Variants in PARP8 observed in about 807,000 individuals in gnomAD.
PARP8 encodes the protein protein mono-ADP-ribosyltransferase PARP8.
PARP8 carries 51 observed loss-of-function variants against 124.1 expected under a neutral mutation model. The observed-to-expected ratio is 0.41, with a 90% CI of 0.33 to 0.52. The LOEUF is 0.52. Among genes scored for constraint, PARP8 ranks in the 20% least tolerant of loss-of-function variants. PARP8 has a pLI of 0.21. For missense variants in PARP8, 860 were observed against 1,018.9 expected, an observed-to-expected ratio of 0.84 and a Z score of 2.12; for synonymous variants, 391 against 361.5, an observed-to-expected ratio of 1.08 and a Z score of -0.93.
rs565524891 is a variant in PARP8, at chr5:50,798,342, C to A, written c.1575+1109C>A. ...GACAGATACAGTCTCTATACATCTTCCCCACGTATTATTCTCTATTTATTA... is the reference window on the plus strand; with the variant it reads ...GACAGATACAGTCTCTATACATCTTACCCACGTATTATTCTCTATTTATTA... On this transcript the variant is annotated intron_variant, in intron 14 of 25. Coordinates refer to ENST00000281631, the MANE Select transcript of PARP8 (RefSeq NM_024615.4). Among the ~76,000 whole-genome samples, 22 of 152,104 alleles carry A rather than the reference C, an allele frequency of 1.4e-4. 1 individual carries two copies. The East Asian group carries it at 3.1e-3, about 21-fold the overall frequency.
At position 50,727,797 on chromosome 5, in the gene PARP8, C is replaced by CT. The variant is rs1170638771; in HGVS notation, c.147-22353dup. Among the ~76,000 whole-genome samples, 25 of 152,140 alleles carry CT rather than the reference C, an allele frequency of 1.6e-4. 1 individual carries two copies. Among genetic ancestry groups the CT allele is most frequent in the Admixed American group, 1.5e-3 (23 of 15,244 alleles). ...TCATCGCATCCTGCAGGAAACTTTC[C>CT]TGGTACCCTTTGTCAAGTTATGGGG... On this transcript the variant is annotated intron_variant, in intron 2 of 25. Coordinates refer to ENST00000281631, the MANE Select transcript of PARP8 (RefSeq NM_024615.4).
chr5:50,800,621 G>A (rs1284048184), intron 14 of PARP8, among the ~76,000 whole-genome samples: 1 of 152,002 alleles, frequency 6.6e-6, no homozygotes, highest in East Asian at 1.9e-4. Flanking sequence ...AATCATGAAA[G>A]CATTTTTGTT....
intron 2 of PARP8, among the ~76,000 whole-genome samples, chr5:50,745,837 A>G (rs1464616836): frequency 6.6e-6 from 1 of 152,186 alleles, no homozygotes; most frequent in African/African-American, 2.4e-5. Context: ...TCGACAGTAT[A>G]AAGGAATGGA....
At chr5:50,835,575 G>A (rs1747489729) in intron 25 of PARP8, among the ~76,000 whole-genome samples, 1 of 151,898 alleles carries the variant, frequency 6.6e-6, no homozygotes, top group Non-Finnish European at 1.5e-5. Context: ...CACCATCTCT[G>A]TCTCTCTAGC....
At chr5:50,702,277 G>A (rs1365136075) in intron 2 of PARP8, among the ~76,000 whole-genome samples, 1 of 151,958 alleles carries the variant, frequency 6.6e-6, no homozygotes, top group Non-Finnish European at 1.5e-5. Context: ...TCACATAATT[G>A]CAGTAATTTA....
rs778662751 is a variant in PARP8 at position 50,795,152 on chromosome 5, C to G, written c.1163C>G (p.Ser388Cys). The G allele has an allele frequency of 1.2e-6, 2 of 1,614,208 alleles. No individual in the cohort carries two copies. The highest frequency in any genetic ancestry group is 2.2e-5 in the South Asian group (2 of 91,082). ...AAGTCGCATAGACTATTGACTCGAT[C>G]TTGTTCTGGAGATCCACGATGTGAG... is the stretch of plus-strand genomic sequence containing the variant. ...TLKSHRLLTR[S>C]CSGDPRCEHN... Residue 388 changes from serine (S) to cysteine (C), a missense_variant, in exon 12 of 26, where the codon TCT (serine) becomes TGT (cysteine). This residue lies in a region of PARP8 where 517 missense variants were observed against 544.2 expected (regional missense o/e 0.95). Coordinates refer to ENST00000281631, the MANE Select transcript of PARP8 (RefSeq NM_024615.4).
intron 2 of PARP8, among the ~76,000 whole-genome samples, chr5:50,699,314 T>C (rs371426475): frequency 1.3e-5 from 2 of 152,240 alleles, no homozygotes; most frequent in East Asian, 3.8e-4. Flanking sequence ...GATTTCTCCC[T>C]TGCTACGTAA....
chr5:50,692,577 A>C (rs1279494026), intron 2 of PARP8, among the ~76,000 whole-genome samples: 1 of 151,958 alleles, frequency 6.6e-6, no homozygotes, highest in Non-Finnish European at 1.5e-5. Flanking sequence ...GTACTCAGTC[A>C]AGGCTTTTGA....
At chr5:50,837,401 A>G (rs559588999) in intron 25 of PARP8, among the ~76,000 whole-genome samples, 102 of 152,258 alleles carry the variant, frequency 6.7e-4, no homozygotes, top group African/African-American at 2.3e-3. Context: ...ATTAGTAGTG[A>G]GCCACCCTAA....
chr5:50,835,030 T>A lies in PARP8; in HGVS notation c.2462+15T>A. On this transcript the variant is annotated intron_variant, in intron 25 of 25. Coordinates refer to ENST00000281631, the MANE Select transcript of PARP8 (RefSeq NM_024615.4). Reference sequence around the variant, plus strand: ...TTCTTTTTCGTGTAAGTGGAAATGCTCAAATTTGTATATTACTGTCTTTGC... The same window carrying A: ...TTCTTTTTCGTGTAAGTGGAAATGCACAAATTTGTATATTACTGTCTTTGC... 1 of 1,606,440 alleles carries A rather than the reference T, an allele frequency of 6.2e-7. No individual in the cohort carries two copies. Among genetic ancestry groups the A allele is most frequent in the Non-Finnish European group, 8.5e-7 (1 of 1,174,318 alleles).
chr5:50,675,386 C>T (rs1750498991), intron 2 of PARP8, among the ~76,000 whole-genome samples: 1 of 152,098 alleles, frequency 6.6e-6, no homozygotes. Flanking sequence ...CTCGCTGCAA[C>T]CTCCGCCCCC....
intron 7 of PARP8, among the ~76,000 whole-genome samples, chr5:50,776,216 G>T (rs563910040): frequency 1.3e-5 from 2 of 152,152 alleles, no homozygotes; most frequent in African/African-American, 2.4e-5. Flanking sequence ...GAATCATCTT[G>T]CACTCTCTAG....
chr5:50,695,374 G>C (rs1291265236), intron 2 of PARP8, among the ~76,000 whole-genome samples: 6 of 152,128 alleles, frequency 3.9e-5, no homozygotes, highest in Non-Finnish European at 7.4e-5. Context: ...CCTAGTGCAG[G>C]TTCATACTTA....
intron 3 of PARP8, among the ~76,000 whole-genome samples, chr5:50,755,277 T>C (rs1302705965): frequency 1.3e-5 from 2 of 152,190 alleles, no homozygotes; most frequent in Non-Finnish European, 2.9e-5. Context: ...CTGAATGATA[T>C]TGCCTAGATT....
At position 50,698,342 on chromosome 5, in the gene PARP8, G is replaced by A. The variant is rs1388852584; in HGVS notation, c.146+30217G>A. Among the ~76,000 whole-genome samples the A allele has an allele frequency of 3.9e-5, 6 of 152,234 alleles. No individual in the cohort carries two copies. In the East Asian group the frequency reaches 7.7e-4, roughly 20 times the overall value. On this transcript the variant is annotated intron_variant, in intron 2 of 25. Coordinates refer to ENST00000281631, the MANE Select transcript of PARP8 (RefSeq NM_024615.4). ...CTTGAAGTGTTCATGTTAATCTAAA[G>A]CATTCCTTATTGTTTTCAGGGCTAC... is the stretch of plus-strand genomic sequence containing the variant.
intron 1 of PARP8, chr5:50,667,788 A>G (rs561697785): frequency 7.9e-6 from 7 of 888,640 alleles, no homozygotes; most frequent in Admixed American, 4.0e-5. Context: ...TGCTTTCGCT[A>G]CCGCGAGCCC....
At chr5:50,737,803 G>A (rs1276590122) in intron 2 of PARP8, among the ~76,000 whole-genome samples, 3 of 152,070 alleles carry the variant, frequency 2.0e-5, no homozygotes, top group East Asian at 1.9e-4. Context: ...CCATACACAC[G>A]GCTGTCTTAG....
At chr5:50,821,101 G>C (rs753740040) in intron 15 of PARP8, 112 bp from the exon 16 acceptor site, 2 of 1,231,114 alleles carry the variant, frequency 1.6e-6, no homozygotes, top group African/African-American at 1.5e-5. Flanking sequence ...TGAGAGATTG[G>C]TAGCAGTCCT....
chr5:50,825,557 T>C (rs568939055), intron 18 of PARP8, among the ~76,000 whole-genome samples: 2 of 152,206 alleles, frequency 1.3e-5, no homozygotes, highest in Non-Finnish European at 2.9e-5. Flanking sequence ...GTCACCTTGC[T>C]GTGATGCCCA....
Sources: allele counts gnomAD v4.1 joint callset (sites outside exome capture counted in the v4.1 genomes callset), GRCh38; gene constraint gnomAD v4.1.1; regional missense constraint gnomAD v4.1.1; transcripts MANE v1.5; gene names NCBI Gene and HGNC (gene_info 2026-07-23, HGNC 2026-07-21).